Variants in KIF13B observed in about 807,000 individuals in gnomAD.
The protein encoded by KIF13B is kinesin family member 13B.
In KIF13B, 127 loss-of-function variants were observed where a neutral mutation model predicts 222.0. That is an observed-to-expected ratio of 0.57 (90% confidence interval 0.50 to 0.66). The LOEUF is 0.66. Ranked by LOEUF, KIF13B falls within the 30% of genes least tolerant of loss-of-function variation. KIF13B has a pLI of 0.00. For synonymous variants in KIF13B, 976 were observed against 919.0 expected (o/e 1.06, Z -1.12); for missense variants, 2,173 against 2,379.0 (o/e 0.91, Z 1.80).
At chr8:29,199,420 A>G (rs1365780807) in intron 2 of KIF13B, among the ~76,000 whole-genome samples, 1 of 152,172 alleles carries the variant, frequency 6.6e-6, no homozygotes, top group Non-Finnish European at 1.5e-5. Flanking sequence ...TGAAGTGAAC[A>G]TACTTCAGGT....
intron 2 of KIF13B, among the ~76,000 whole-genome samples, chr8:29,237,977 G>A (rs953363459): frequency 6.6e-6 from 1 of 152,282 alleles, no homozygotes; most frequent in East Asian, 1.9e-4. Flanking sequence ...CGGGCTCCCT[G>A]AGGAAGAGCC....
At chr8:29,128,189 G>C (rs1178616733) in intron 24 of KIF13B, among the ~76,000 whole-genome samples, 1 of 150,892 alleles carries the variant, frequency 6.6e-6, no homozygotes, top group Non-Finnish European at 1.5e-5. Flanking sequence ...TGATTGTTTA[G>C]ACTGTTTATT....
At chr8:29,121,908 T>C (rs1194739369) in intron 29 of KIF13B, among the ~76,000 whole-genome samples, 1 of 152,090 alleles carries the variant, frequency 6.6e-6, no homozygotes, top group East Asian at 1.9e-4. Flanking sequence ...GGAAACATGC[T>C]TCATAAGTAT....
At chr8:29,105,091 C>T (rs963047195) in intron 35 of KIF13B, among the ~76,000 whole-genome samples, 6 of 151,972 alleles carry the variant, frequency 3.9e-5, no homozygotes, top group Admixed American at 1.3e-4. Context: ...GCCTCAGCCT[C>T]GAATAGCTGG....
chr8:29,188,528 G>A lies in KIF13B; in HGVS notation c.303C>T (p.Ala101=), dbSNP rs548188326. 5 of 1,603,710 alleles carry A rather than the reference G, an allele frequency of 3.1e-6. No homozygotes were observed. In the African/African-American group the frequency reaches 4.0e-5, roughly 13 times the overall value. Reference sequence around the variant, plus strand: ...ATTTAACATTACCAGTCTGTCCATAGGCAAAGATACATGCATTGTAGCCAT... The same window carrying A: ...ATTTAACATTACCAGTCTGTCCATAAGCAAAGATACATGCATTGTAGCCAT... ...AFDGYNACIF[A]YGQTGSGKSY... Residue 101 remains alanine, a synonymous_variant, in exon 5 of 40, where the codon GCC becomes GCT. Transcript: ENST00000524189.
rs1358060794 is a variant in KIF13B at position 29,167,448 on chromosome 8, C to T, written c.1083G>A (p.Glu361=). ...KHIVNHAVVN[E]DPNARIIRDL... The stretch of plus-strand genomic sequence containing the variant: ...CCCGGATAATTCGGGCATTAGGGTC[C>T]TCATTCACCACAGCGTGGTTTACAA... The change falls in exon 11 of 40, where the codon GAG becomes GAA. Residue 361 remains glutamate, a synonymous_variant. Coordinates refer to ENST00000524189, the MANE Select transcript of KIF13B (RefSeq NM_015254.4). 2 of 1,613,820 alleles carry T rather than the reference C, an allele frequency of 1.2e-6. No homozygotes were observed. Among genetic ancestry groups the T allele is most frequent in the Admixed American group, 1.7e-5 (1 of 60,006 alleles).
At chr8:29,248,011 C>T (rs7004242) in intron 1 of KIF13B, among the ~76,000 whole-genome samples, 15,012 of 152,036 alleles carry the variant, frequency 0.099, 1,013 homozygotes, top group African/African-American at 0.18. Flanking sequence ...ATCTCGCATC[C>T]ACTGGGATAA....
Position 29,108,187 on chromosome 8 carries a change from A to G in KIF13B, c.4167T>C (p.Ser1389=), listed in dbSNP as rs970617987. Residue 1389 remains serine (S), a synonymous_variant, in exon 35 of 40, where the codon TCT becomes TCC. Transcript: ENST00000524189. ...ATGGAATGAGATCTTGTCGGCTTCC[A>G]GACAACTGAAGAAGAAAGAAAGGGG... ...SISSPNVNRL[S]GSRQDLIPSY... The G allele has an allele frequency of 8.7e-6, 14 of 1,611,940 alleles. No individual in the cohort carries two copies. The Middle Eastern group carries it at 6.6e-4, about 76-fold the overall frequency.
intron 2 of KIF13B, among the ~76,000 whole-genome samples, chr8:29,206,210 A>G (rs1813929669): frequency 6.6e-6 from 1 of 152,204 alleles, no homozygotes; most frequent in Admixed American, 6.5e-5. Context: ...GGATCGCTTG[A>G]GCCCAGGAGT....
chr8:29,072,060 C>A lies in KIF13B; in HGVS notation c.4778G>T (p.Gly1593Val). 4 of 1,306,670 alleles carry A rather than the reference C, an allele frequency of 3.1e-6. No individual in the cohort carries two copies. The highest frequency in any genetic ancestry group is 2.9e-6 in the Non-Finnish European group (3 of 1,027,688). 80.9% of individuals were successfully genotyped at this position (1,306,670 alleles called of 1,614,324 possible). A position where few individuals can be genotyped will look rare whatever the true frequency, so the allele number is the denominator to read the frequency against. The change falls in exon 39 of 40, where the codon GGG (glycine) becomes GTG (valine). Residue 1593 changes from glycine to valine, a missense_variant. Transcript: ENST00000524189. The part of the protein sequence containing the change: ...GPGLDAAAPP[G>V]SMPTAPEAEP... ...GGCCTCAGGGGCGGTGGGCATGGAC[C>A]CCGGCGGGGCCGCAGCGTCCAGGCC...
rs1807259592 is a variant in KIF13B at position 29,071,265 on chromosome 8, G to A, written c.5218+355C>T. ...ATGTGTCCGGATGGGGTGAGGAAGA[G>A]CCTCCTGGAACGGCAAAGGGGAGAT... On this transcript the variant is annotated intron_variant, in intron 39 of 39. Coordinates refer to ENST00000524189, the MANE Select transcript of KIF13B (RefSeq NM_015254.4). The surrounding 1 kb of genome is among the most constrained non-coding windows in gnomAD (Gnocchi z 4.9). Among the ~76,000 whole-genome samples, 1 of 152,144 alleles carries A rather than the reference G, an allele frequency of 6.6e-6. No individual in the cohort carries two copies.
At chr8:29,205,577 A>G (rs993727415) in intron 2 of KIF13B, among the ~76,000 whole-genome samples, 1 of 152,224 alleles carries the variant, frequency 6.6e-6, no homozygotes, top group Non-Finnish European at 1.5e-5. Flanking sequence ...TACAGATTCT[A>G]CACACCCCAT....
chr8:29,262,174 C>CG (rs952093110), intron 1 of KIF13B, among the ~76,000 whole-genome samples: 1 of 152,210 alleles, frequency 6.6e-6, no homozygotes, highest in Admixed American at 6.5e-5. Flanking sequence ...CCCACCTCCT[C>CG]CCCTGACTTT....
At chr8:29,091,859 T>C (rs1273058836) in intron 37 of KIF13B, among the ~76,000 whole-genome samples, 3 of 152,274 alleles carry the variant, frequency 2.0e-5, no homozygotes, top group Non-Finnish European at 4.4e-5. Flanking sequence ...TGTATGTGTA[T>C]GCTTATTTAT....
intron 36 of KIF13B, among the ~76,000 whole-genome samples, chr8:29,098,094 C>T (rs1332064524): frequency 1.4e-5 from 2 of 145,570 alleles, no homozygotes; most frequent in African/African-American, 5.1e-5. Context: ...TCACTTGAAC[C>T]CAGGAGGCAA....
chr8:29,197,357 A>AAC (rs1563779882), intron 2 of KIF13B, among the ~76,000 whole-genome samples: 1 of 149,630 alleles, frequency 6.7e-6, no homozygotes, highest in Non-Finnish European at 1.5e-5. Flanking sequence ...AAAAAAAAAA[A>AAC]AAAACTCAAT....
At chr8:29,146,599 C>G in intron 17 of KIF13B, 59 bp from the exon 18 acceptor site, 1 of 1,482,470 alleles carries the variant, frequency 6.7e-7, no homozygotes, top group Non-Finnish European at 9.2e-7. Flanking sequence ...AGCAGCTAGT[C>G]AGAAAATCAT....
chr8:29,070,466 C>T lies in KIF13B; in HGVS notation c.*38G>A. 1 of 1,600,726 alleles carries T rather than the reference C, an allele frequency of 6.2e-7. No individual in the cohort carries two copies. The highest frequency in any genetic ancestry group is 8.5e-7 in the Non-Finnish European group (1 of 1,173,962). On this transcript the variant is annotated 3_prime_UTR_variant, in exon 40 of 40. Coordinates refer to ENST00000524189, the MANE Select transcript of KIF13B (RefSeq NM_015254.4). This position sits in a 1 kb window ranked among gnomAD's most constrained non-coding sequence, Gnocchi z 4.1. ...TGTCACTGGCAGGGCTCAAAAGGGG[C>T]CGGGCACCCCCAGAAAAGTTCGCCC...
chr8:29,260,628 T>C (rs1378399409), intron 1 of KIF13B, among the ~76,000 whole-genome samples: 1 of 151,694 alleles, frequency 6.6e-6, no homozygotes, highest in African/African-American at 2.4e-5. Context: ...AGTCTTTTTT[T>C]TTTTTGAGAC....
Sources: gnomAD v4.1 joint callset for allele counts (sites outside exome capture counted in the v4.1 genomes callset) on GRCh38, gnomAD v4.1.1 for gene constraint, Gnocchi (gnomAD v3.1) non-coding constraint, MANE v1.5 for transcripts, NCBI Gene and HGNC (gene_info 2026-07-23, HGNC 2026-07-21) for gene names.